The following ABCA2 variants were observed in gnomAD, a reference collection of about 807,000 sequenced individuals.
The protein encoded by ABCA2 is ATP-binding cassette sub-family A member 2.
ABCA2 carries 84 observed loss-of-function variants against 262.8 expected under a neutral mutation model. The ratio of observed to expected loss-of-function variants is 0.32; its 90% CI spans 0.27 to 0.38. ABCA2 has a LOEUF of 0.38. Among genes scored for constraint, ABCA2 ranks in the 10% least tolerant of loss-of-function variants. The pLI is 1.00. For synonymous variants in ABCA2, 1,696 were observed against 1,502.9 expected (o/e 1.13, Z -2.97); for missense variants, 2,662 against 3,405.9 (o/e 0.78, Z 5.44).
chr9:137,025,361 G>A (rs112895241), intron 1 of ABCA2, among the ~76,000 whole-genome samples: 2 of 152,206 alleles, frequency 1.3e-5, no homozygotes, highest in African/African-American at 2.4e-5. Context: ...AGACCCACAG[G>A]ACAGAGGGGC....
rs1480864277 is a variant in ABCA2, at chr9:137,014,644, G to A, written c.4003+46C>T. The A allele has an allele frequency of 8.2e-6, 13 of 1,583,542 alleles. No individual in the cohort carries two copies. The East Asian group carries it at 2.1e-4, about 25-fold the overall frequency. On this transcript the variant is annotated intron_variant, in intron 26 of 48. Transcript: ENST00000341511. ...GAGTGACAGCGCAGGCCCGAGCTGGGGCCTTGTGGGTGGGGTGGGCTGAGC... is the reference window on the plus strand; with the variant it reads ...GAGTGACAGCGCAGGCCCGAGCTGGAGCCTTGTGGGTGGGGTGGGCTGAGC...
In ABCA2 at chr9:137,009,861, C is replaced by A; in HGVS notation, c.6538G>T (p.Ala2180Ser). The change falls in exon 43 of 49, where the codon GCA (alanine) becomes TCA (serine). Residue 2180 changes from alanine (A) to serine (S), a missense_variant. Transcript: ENST00000341511. Reference protein sequence around the residue: ...ALEKLELTKYADKPAGTYSGG... With the variant: ...ALEKLELTKYSDKPAGTYSGG... ...CTGTAGGTGCCAGCCGGCTTGTCTGCGTACTTGGTCAGCTCCAGCTTCTCC... is the reference window on the plus strand; with the variant it reads ...CTGTAGGTGCCAGCCGGCTTGTCTGAGTACTTGGTCAGCTCCAGCTTCTCC... 1 of 1,612,132 alleles carries A rather than the reference C, an allele frequency of 6.2e-7. No homozygotes were observed. Among genetic ancestry groups the A allele is most frequent in the Non-Finnish European group, 8.5e-7 (1 of 1,179,576 alleles).
upstream of ABCA2, chr9:137,028,373 C>T: frequency 1.5e-6 from 1 of 678,092 alleles, no homozygotes; most frequent in Non-Finnish European, 1.8e-6. The surrounding 1 kb of genome is among the most constrained non-coding windows in gnomAD (Gnocchi z 6.9). Context: ...CGCCAGGAGG[C>T]GCCCGCCGCC....
intron 2 of ABCA2, 114 bp from the exon 3 acceptor site, chr9:137,023,954 G>T (rs1454107904): frequency 3.4e-6 from 5 of 1,477,048 alleles, no homozygotes; most frequent in Non-Finnish European, 3.7e-6. Flanking sequence ...ATCATCATTC[G>T]CGGCCACAGG....
chr9:137,021,738 T>A lies in ABCA2; in HGVS notation c.679-128A>T. 8.1e-7 allele frequency: 1 copy of A among 1,232,700 alleles called. No homozygotes were observed. The highest frequency in any genetic ancestry group is 1.1e-6 in the Non-Finnish European group (1 of 878,520). 76.4% of individuals were successfully genotyped at this position (1,232,700 alleles called of 1,614,324 possible). A position where few individuals can be genotyped will look rare whatever the true frequency, so the allele number is the denominator to read the frequency against. ...CTGCCTGGGTCCCACGACATGCCTC[T>A]ACCCCTCATGCCTGCCATAGACCCC... On this transcript the variant is annotated intron_variant, in intron 7 of 48. Transcript: ENST00000341511. This position sits in a 1 kb window ranked among gnomAD's most constrained non-coding sequence, Gnocchi z 6.0.
At chr9:137,028,614 C>T (rs540470282), upstream of ABCA2, 230 of 1,070,996 alleles carry the variant, frequency 2.1e-4, 1 homozygote, top group African/African-American at 3.9e-3. This position sits in a 1 kb window ranked among gnomAD's most constrained non-coding sequence, Gnocchi z 6.9. Flanking sequence ...CCTTCACTGT[C>T]CCCGGGGCGC....
intron 26 of ABCA2, 112 bp from the exon 27 acceptor site, chr9:137,014,516 G>A (rs531168275): frequency 1.4e-6 from 2 of 1,444,716 alleles, no homozygotes; most frequent in African/African-American, 2.8e-5. Context: ...ACCTGTCCGG[G>A]ACCTCTGGCC....
chr9:137,011,978 C>T lies in ABCA2; in HGVS notation c.5401G>A (p.Val1801Met). ...CTGGCCGGCACGAAGGACATGGCCA[C>T]GATGATGAAGATGGCGATGACGACA... is the stretch of plus-strand genomic sequence containing the variant. ...TDVVIAIFII[V>M]AMSFVPASFV... The change falls in exon 35 of 49, where the codon GTG becomes ATG. Residue 1801 changes from valine (V) to methionine (M), a missense_variant. By Grantham distance (21) the Val-to-Met change is conservative. Coordinates refer to ENST00000341511, the MANE Select transcript of ABCA2 (RefSeq NM_001606.5). The surrounding 1 kb of genome is among the most constrained non-coding windows in gnomAD (Gnocchi z 8.8). The T allele has an allele frequency of 3.7e-6, 6 of 1,612,634 alleles. No homozygotes were observed. Among genetic ancestry groups the T allele is most frequent in the Non-Finnish European group, 5.1e-6 (6 of 1,179,934 alleles).
upstream of ABCA2, chr9:137,028,360 G>C: frequency 3.7e-6 from 3 of 819,790 alleles, no homozygotes; most frequent in Non-Finnish European, 4.4e-6. This position sits in a 1 kb window ranked among gnomAD's most constrained non-coding sequence, Gnocchi z 6.9. Context: ...CTCCGTCCGC[G>C]CCCGCCAGGA....
In ABCA2 at chr9:137,020,333, C is replaced by G; in HGVS notation, c.1425+3G>C. The G allele has an allele frequency of 1.9e-6, 3 of 1,612,156 alleles. No homozygotes were observed. The highest frequency in any genetic ancestry group is 2.5e-6 in the Non-Finnish European group (3 of 1,179,960). ...AAACATGGAGCGTCCCAGACCCGTGCACCTTGAGGATGACGCGGTCGACCT... is the reference window on the plus strand; with the variant it reads ...AAACATGGAGCGTCCCAGACCCGTGGACCTTGAGGATGACGCGGTCGACCT... On this transcript the variant is annotated splice_donor_region_variant and intron_variant, in intron 10 of 48. Coordinates refer to ENST00000341511, the MANE Select transcript of ABCA2 (RefSeq NM_001606.5).
At position 137,009,427 on chromosome 9, in the gene ABCA2, G is replaced by A; in HGVS notation, c.6770C>T (p.Ala2257Val). 1 of 1,608,738 alleles carries A rather than the reference G, an allele frequency of 6.2e-7. No individual in the cohort carries two copies. Among genetic ancestry groups the A allele is most frequent in the Non-Finnish European group, 8.5e-7 (1 of 1,179,536 alleles). ...CCGCAGGCGACCGTTCACCATGATGGCCAGCCGCGTGCACAGCGCCTCGCA... is the reference window on the plus strand; with the variant it reads ...CCGCAGGCGACCGTTCACCATGATGACCAGCCGCGTGCACAGCGCCTCGCA... ...EECEALCTRL[A>V]IMVNGRLRCL... Residue 2257 changes from alanine to valine, a missense_variant, in exon 45 of 49, where the codon GCC (alanine) becomes GTC (valine). Around this residue, in one of 12 missense-constraint regions of ABCA2, gnomAD observed 602 missense variants for 897.4 expected, o/e 0.67. Transcript: ENST00000341511.
chr9:137,015,736 C>T lies in ABCA2; in HGVS notation c.3453G>A (p.Thr1151=), dbSNP rs771322473. ...GGCGCGCGTAGGGGTCCACGCCCGCCGTGGGCTCGTCCAGGATGATGGCGC... is the reference window on the plus strand; with the variant it reads ...GGCGCGCGTAGGGGTCCACGCCCGCTGTGGGCTCGTCCAGGATGATGGCGC... ...GSRAIILDEP[T]AGVDPYARRA... is the part of the protein sequence containing the mutation. The change falls in exon 23 of 49, where the codon ACG becomes ACA. Residue 1151 remains threonine (T), a synonymous_variant. Coordinates refer to ENST00000341511, the MANE Select transcript of ABCA2 (RefSeq NM_001606.5). The T allele has an allele frequency of 3.9e-4, 628 of 1,611,990 alleles. No homozygotes were observed. Among genetic ancestry groups the T allele is most frequent in the South Asian group, 5.1e-4 (46 of 91,042 alleles).
rs780644009 is a variant in ABCA2, at chr9:137,014,356, G to A, written c.4052C>T (p.Ala1351Val). ...ATTGCCAGCGTGACCCTCCCCAGACGCCGGGCCCTCCGCCCCAGGGAGCAC... is the reference window on the plus strand; with the variant it reads ...ATTGCCAGCGTGACCCTCCCCAGACACCGGGCCCTCCGCCCCAGGGAGCAC... ...KDVLPGAEGP[A>V]SGEGHAGNLA... Residue 1351 changes from alanine to valine, a missense_variant, in exon 27 of 49, where the codon GCG becomes GTG. Physicochemically the swap from Ala to Val is moderately conservative, Grantham distance 64 (BLOSUM62 0). Coordinates refer to ENST00000341511, the MANE Select transcript of ABCA2 (RefSeq NM_001606.5). 28 of 1,601,024 alleles carry A rather than the reference G, an allele frequency of 1.7e-5. No individual in the cohort carries two copies. The highest frequency in any genetic ancestry group is 4.0e-5 in the African/African-American group (3 of 74,620).
intron 21 of ABCA2, 38 bp from the exon 22 acceptor site, chr9:137,016,212 G>T (rs1356277578): frequency 2.5e-6 from 4 of 1,611,362 alleles, no homozygotes; most frequent in Non-Finnish European, 2.5e-6. Context: ...CACGCCCTCT[G>T]CAGGGGCCCC....
At chr9:137,008,173 G>T in intron 48 of ABCA2, 1 of 810,384 alleles carries the variant, frequency 1.2e-6, no homozygotes, top group Non-Finnish European at 2.0e-6. Context: ...CTGTTCCCCG[G>T]CTCTGGTCCC....
chr9:137,012,973 C>G lies in ABCA2; in HGVS notation c.4867+29G>C, dbSNP rs1255105795. On this transcript the variant is annotated intron_variant, in intron 30 of 48. Coordinates refer to ENST00000341511, the MANE Select transcript of ABCA2 (RefSeq NM_001606.5). ...TGAGAAGGACCCCTCACTGCCCCTG[C>G]CCCCCCAGCAGGCCCCCTGAACCAC... 3.4e-6 allele frequency: 5 copies of G among 1,479,200 alleles called. No homozygotes were observed. In the Admixed American group the frequency reaches 1.1e-4, roughly 33 times the overall value. 91.6% of individuals were successfully genotyped at this position (1,479,200 alleles called of 1,614,324 possible).
At position 137,011,594 on chromosome 9, in the gene ABCA2, G is replaced by A. The variant is rs766868593; in HGVS notation, c.5651+40C>T. 1.0e-5 allele frequency: 16 copies of A among 1,557,296 alleles called. No individual in the cohort carries two copies. The highest frequency in any genetic ancestry group is 5.5e-5 in the African/African-American group (4 of 73,376). ...CGGGCAGTGGTCACCAGGCAGCCCC[G>A]GTCCCACCTGAGGCCGCTCCCCCCT... On this transcript the variant is annotated intron_variant, in intron 36 of 48. Coordinates refer to ENST00000341511, the MANE Select transcript of ABCA2 (RefSeq NM_001606.5). This position sits in a 1 kb window ranked among gnomAD's most constrained non-coding sequence, Gnocchi z 8.8.
rs541915356 is a variant in ABCA2, at chr9:137,013,366, G to A, written c.4551-48C>T. 1.1e-4 allele frequency: 162 copies of A among 1,526,364 alleles called. 1 individual carries two copies. The South Asian group carries it at 1.2e-3, about 11-fold the overall frequency. 94.6% of individuals were successfully genotyped at this position (1,526,364 alleles called of 1,614,324 possible). A position where few individuals can be genotyped will look rare whatever the true frequency, so the allele number is the denominator to read the frequency against. ...GTGGGGCTGCCAGTCTCCGCCCCTC[G>A]CCAGCCCCGCCCCCTCGCCCGCCTG... On this transcript the variant is annotated intron_variant, in intron 29 of 48. Coordinates refer to ENST00000341511, the MANE Select transcript of ABCA2 (RefSeq NM_001606.5).
Position 137,010,608 on chromosome 9 carries a change from C to G in ABCA2, c.6174+12G>C. ...CCCCACCCAGGCCCCACCCTACATG[C>G]CCAGAGCCCACCTTGGTCAGGTTCT... On this transcript the variant is annotated intron_variant, in intron 40 of 48. Transcript: ENST00000341511. The G allele has an allele frequency of 9.0e-7, 1 of 1,113,138 alleles. No homozygotes were observed. The highest frequency in any genetic ancestry group is 1.3e-6 in the Non-Finnish European group (1 of 743,692). 69.0% of individuals were successfully genotyped at this position (1,113,138 alleles called of 1,614,324 possible).
Sources: gnomAD v4.1 joint callset for allele counts (sites outside exome capture counted in the v4.1 genomes callset) on GRCh38, gnomAD v4.1.1 for gene constraint, gnomAD v4.1.1 regional missense constraint, Gnocchi (gnomAD v3.1) non-coding constraint, MANE v1.5 for transcripts, NCBI Gene and HGNC (gene_info 2026-07-23, HGNC 2026-07-21) for gene names.